COMMD9: variants seen among roughly 807,000 people sequenced by gnomAD.
COMMD9 encodes COMM domain-containing protein 9.
COMMD9 carries 22 observed loss-of-function variants against 23.4 expected under a neutral mutation model. That is an observed-to-expected ratio of 0.94 (90% CI 0.67 to 1.34). The LOEUF is 1.34. COMMD9 is among the 40% of genes most tolerant of loss of function. COMMD9 has a pLI of 0.00. For synonymous variants in COMMD9, 99 were observed against 97.4 expected (o/e 1.02, Z -0.10); for missense variants, 231 against 240.2 (o/e 0.96, Z 0.25).
chr11:36,284,683 G>A (rs971633550), intron 1 of COMMD9, among the ~76,000 whole-genome samples: 3 of 152,066 alleles, frequency 2.0e-5, no homozygotes, highest in African/African-American at 7.2e-5. Flanking sequence ...TGTTCTATGT[G>A]ACCACAATGG....
At position 36,273,459 on chromosome 11, in the gene COMMD9, T is replaced by C. The variant is rs1855911752; in HGVS notation, c.*1173A>G. 6.6e-6 allele frequency: 1 copy of C among 152,180 alleles called. No homozygotes were observed. Among genetic ancestry groups the C allele is most frequent in the Non-Finnish European group, 1.5e-5 (1 of 68,034 alleles). The allele number at this position is 152,180 out of a possible 1,614,324, so 9.4% of individuals were successfully genotyped here. A position where few individuals can be genotyped will look rare whatever the true frequency, so the allele number is the denominator to read the frequency against. ...CATAGCTCTTGTAACAAGCACATAC[T>C]GATGATTAGCCTTGCTTCCTTTTTA... On this transcript the variant is annotated 3_prime_UTR_variant, in exon 6 of 6. Transcript: ENST00000263401.
chr11:36,278,268 G>GA, intron 3 of COMMD9: 3 of 446,782 alleles, frequency 6.7e-6, no homozygotes, highest in East Asian at 3.7e-5. Context: ...GGTGTAAAGA[G>GA]GAAAAAAAAA....
At position 36,273,417 on chromosome 11, in the gene COMMD9, C is replaced by CG. The variant is rs1320689054; in HGVS notation, c.*1214dup. On this transcript the variant is annotated 3_prime_UTR_variant, in exon 6 of 6. Coordinates refer to ENST00000263401, the MANE Select transcript of COMMD9 (RefSeq NM_014186.4). ...AGAGATGATCTCATTTGGTTAAACT[C>CG]GAAGGAGTGCCTTCATCATAGCTCT... is the stretch of plus-strand genomic sequence containing the variant. The CG allele has an allele frequency of 1.8e-4, 28 of 152,330 alleles. No individual in the cohort carries two copies. The highest frequency in any genetic ancestry group is 9.2e-4 in the Admixed American group (14 of 15,298). The allele number at this position is 152,330 out of a possible 1,614,324, so 9.4% of individuals were successfully genotyped here. A position where few individuals can be genotyped will look rare whatever the true frequency, so the allele number is the denominator to read the frequency against.
chr11:36,289,077 A>C (rs1360590028), intron 1 of COMMD9, among the ~76,000 whole-genome samples: 1 of 152,174 alleles, frequency 6.6e-6, no homozygotes, highest in Non-Finnish European at 1.5e-5. Flanking sequence ...TACCACTTCA[A>C]TGCACCAATA....
intron 5 of COMMD9, 50 bp from the exon 6 acceptor site, chr11:36,274,822 T>A (rs1381381974): frequency 1.2e-6 from 2 of 1,607,344 alleles, no homozygotes; most frequent in East Asian, 4.5e-5. Flanking sequence ...TTTTCCCATA[T>A]CCCTGTAAGT....
rs377108215 is a variant in COMMD9 at position 36,276,250 on chromosome 11, G to A, written c.353-10C>T. The A allele has an allele frequency of 6.9e-6, 11 of 1,595,216 alleles. No homozygotes were observed. The African/African-American group carries it at 1.5e-4, about 21-fold the overall frequency. Reference sequence around the variant, plus strand: ...AGGCGTGGCAGAGAGACTGTGGAAGGAACAGCTCAGCTCAATGCTCATGCC... The same window carrying A: ...AGGCGTGGCAGAGAGACTGTGGAAGAAACAGCTCAGCTCAATGCTCATGCC... On this transcript the variant is annotated splice_polypyrimidine_tract_variant and intron_variant, in intron 4 of 5. Coordinates refer to ENST00000263401, the MANE Select transcript of COMMD9 (RefSeq NM_014186.4).
In COMMD9 at chr11:36,280,804, GAC is replaced by G. The variant is rs749788089; in HGVS notation, c.83_84del (p.Cys28SerfsTer41). 2.2e-5 allele frequency: 36 copies of G among 1,604,548 alleles called. No homozygotes were observed. The highest frequency in any genetic ancestry group is 5.1e-6 in the Non-Finnish European group (6 of 1,174,246). On this transcript the variant is annotated frameshift_variant, in exon 2 of 6. Coordinates refer to ENST00000263401, the MANE Select transcript of COMMD9 (RefSeq NM_014186.4). LOFTEE classifies it high-confidence loss of function. ...ASSKDVVRQLCQESFSSSALG... is the reference protein window; with the variant it reads ...ASSKDVVRQLXQESFSSSALG... ...AGGGCTGAACTGGAAAAGCTTTCTT[GAC>G]ACAGCTGTCTGACAACATCTTTCGA...
chr11:36,284,092 C>A (rs563546706), intron 1 of COMMD9, among the ~76,000 whole-genome samples: 2 of 142,686 alleles, frequency 1.4e-5, no homozygotes, highest in Admixed American at 7.2e-5. Context: ...GGTGACAGAG[C>A]GAGACCCTGT....
intron 1 of COMMD9, among the ~76,000 whole-genome samples, chr11:36,284,995 C>G (rs1326454291): frequency 6.6e-6 from 1 of 151,978 alleles, no homozygotes; most frequent in Non-Finnish European, 1.5e-5. Flanking sequence ...ATAATAAACC[C>G]AAAGGAAGCA....
rs999361438 is a variant in COMMD9, at chr11:36,272,485, A to C, written c.*2147T>G. 11 of 152,358 alleles carry C rather than the reference A, an allele frequency of 7.2e-5. No individual in the cohort carries two copies. Among genetic ancestry groups the C allele is most frequent in the African/African-American group, 2.4e-4 (10 of 41,536 alleles). The allele number at this position is 152,358 out of a possible 1,614,324, so 9.4% of individuals were successfully genotyped here. ...GGAGGCCAAGAGGAAGGTATCTGAC[A>C]TCTCTCTCTGCAGGTCATGGGGAAT... On this transcript the variant is annotated 3_prime_UTR_variant, in exon 6 of 6. Transcript: ENST00000263401.
intron 1 of COMMD9, among the ~76,000 whole-genome samples, chr11:36,282,381 G>T (rs1204344107): frequency 6.6e-6 from 1 of 150,778 alleles, no homozygotes; most frequent in Non-Finnish European, 1.5e-5. Context: ...GAAAGACAAA[G>T]AAAAAAATAT....
At chr11:36,276,094 G>A (rs1415211305) in intron 5 of COMMD9, 43 bp downstream of exon 5, 5 of 1,420,534 alleles carry the variant, frequency 3.5e-6, no homozygotes, top group Middle Eastern at 1.8e-4. Context: ...GACGGCCATA[G>A]GGGTGCTGCC....
At chr11:36,278,424 A>AAAT (rs1856010012) in intron 3 of COMMD9, 53 bp downstream of exon 3, 1 of 1,512,052 alleles carries the variant, frequency 6.6e-7, no homozygotes, top group African/African-American at 1.4e-5. Flanking sequence ...ATGAGAATAA[A>AAAT]AATAATAAGA....
At position 36,280,613 on chromosome 11, in the gene COMMD9, G is replaced by A. The variant is rs1051444994; in HGVS notation, c.177+99C>T. The A allele has an allele frequency of 6.4e-6, 8 of 1,247,486 alleles. No individual in the cohort carries two copies. In the African/African-American group the frequency reaches 9.0e-5, roughly 14 times the overall value. The allele number at this position is 1,247,486 out of a possible 1,614,324, so 77.3% of individuals were successfully genotyped here. The stretch of plus-strand genomic sequence containing the variant: ...AAAGTTTGCTACAGTGTCAACAGAT[G>A]TTTCAAGGGATTTTCCTTGGACATG... On this transcript the variant is annotated intron_variant, in intron 2 of 5. Transcript: ENST00000263401.
chr11:36,276,813 G>A (rs1004779006), intron 4 of COMMD9: 2 of 302,948 alleles, frequency 6.6e-6, no homozygotes, highest in Admixed American at 9.7e-5. Flanking sequence ...TTTGATTATT[G>A]TTAATTTTTT....
At chr11:36,287,993 T>C (rs890564133) in intron 1 of COMMD9, among the ~76,000 whole-genome samples, 2 of 151,990 alleles carry the variant, frequency 1.3e-5, no homozygotes, top group Admixed American at 1.3e-4. Context: ...AAGAAAAGAG[T>C]GCATAAGACC....
chr11:36,276,807 A>G, intron 4 of COMMD9: 1 of 293,166 alleles, frequency 3.4e-6, no homozygotes, highest in Non-Finnish European at 6.3e-6. Context: ...ACTATTTTTG[A>G]TTATTGTTAA....
chr11:36,282,216 G>A (rs1210144489), intron 1 of COMMD9, among the ~76,000 whole-genome samples: 5 of 151,918 alleles, frequency 3.3e-5, no homozygotes, highest in Admixed American at 3.3e-4. Flanking sequence ...GATAGAAGAG[G>A]GCAAGACTGA....
chr11:36,279,676 G>T (rs545135872), intron 2 of COMMD9, among the ~76,000 whole-genome samples: 1 of 152,288 alleles, frequency 6.6e-6, no homozygotes, highest in Admixed American at 6.5e-5. Context: ...CCACTGCTTT[G>T]TGTTTTCTAG....
Sources: allele counts gnomAD v4.1 joint callset (sites outside exome capture counted in the v4.1 genomes callset), GRCh38; gene constraint gnomAD v4.1.1; transcripts MANE v1.5; gene names NCBI Gene and HGNC (gene_info 2026-07-23, HGNC 2026-07-21).